Variants in ACO1 observed in about 807,000 individuals in gnomAD.
ACO1 encodes cytoplasmic aconitate hydratase.
A neutral mutation model predicts 105.1 loss-of-function variants in ACO1; 78 were observed. The ratio of observed to expected loss-of-function variants is 0.74; its 90% CI spans 0.62 to 0.90. ACO1 has a LOEUF of 0.90. ACO1 is among the 40% of genes least tolerant of loss of function. ACO1 has a pLI of 0.00. For synonymous variants in ACO1, 364 were observed against 397.4 expected (o/e 0.92, Z 1.00); for missense variants, 965 against 1,111.1 (o/e 0.87, Z 1.87).
At position 32,419,151 on chromosome 9, in the gene ACO1, A is replaced by C. The variant is rs1229084790; in HGVS notation, c.772A>C (p.Thr258Pro). The change falls in exon 7 of 21, where the codon ACT (threonine) becomes CCT (proline). Residue 258 changes from threonine to proline, a missense_variant. Thr to Pro is a conservative substitution (Grantham distance 38). Coordinates refer to ENST00000309951, the MANE Select transcript of ACO1 (RefSeq NM_002197.3). Reference sequence around the variant, plus strand: ...GAAGCCCCACCCTCTGGTAACATCCACTGACATCGTGCTCACCATTACCAA... The same window carrying C: ...GAAGCCCCACCCTCTGGTAACATCCCCTGACATCGTGCTCACCATTACCAA... ...MGKPHPLVTS[T>P]DIVLTITKHL... The C allele has an allele frequency of 1.9e-6, 3 of 1,602,192 alleles. No homozygotes were observed. Among genetic ancestry groups the C allele is most frequent in the African/African-American group, 2.7e-5 (2 of 74,334 alleles).
In ACO1 at chr9:32,439,034, G is replaced by A. The variant is rs1437935774; in HGVS notation, c.2248-1431G>A. Among the ~76,000 whole-genome samples the A allele has an allele frequency of 6.6e-6, 1 of 152,192 alleles. No homozygotes were observed. Among genetic ancestry groups the A allele is most frequent in the Non-Finnish European group, 1.5e-5 (1 of 68,028 alleles). On this transcript the variant is annotated intron_variant, in intron 18 of 20. Coordinates refer to ENST00000309951, the MANE Select transcript of ACO1 (RefSeq NM_002197.3). This position sits in a 1 kb window ranked among gnomAD's most constrained non-coding sequence, Gnocchi z 4.0. ...AGTGCAGGGAGCTGTTGCTTTCTAA[G>A]CTGTCAGTGGCTCTCAGCATGGCGT...
chr9:32,442,409 A>G (rs1822501339), intron 19 of ACO1, among the ~76,000 whole-genome samples: 1 of 152,212 alleles, frequency 6.6e-6, no homozygotes, highest in Non-Finnish European at 1.5e-5. Flanking sequence ...AGATACCAAG[A>G]GACCTCTTAG....
chr9:32,446,038 TCAGTGTTAGAAAAAGTG>T (rs1822598101), intron 19 of ACO1, among the ~76,000 whole-genome samples: 1 of 152,180 alleles, frequency 6.6e-6, no homozygotes, highest in African/African-American at 2.4e-5. Context: ...AATTATGTGG[TCAGTGTTAGAAAAAGTG>T]CAGTGTGGTG....
chr9:32,450,085 T>C lies in ACO1; in HGVS notation c.2644T>C (p.Tyr882His). The change falls in exon 21 of 21, where the codon TAC becomes CAC. Residue 882 changes from tyrosine to histidine, a missense_variant. Tyr to His is a moderately conservative substitution (Grantham distance 83). Coordinates refer to ENST00000309951, the MANE Select transcript of ACO1 (RefSeq NM_002197.3). ...TTTCCTCAACGGGGGCATCCTCAAC[T>C]ACATGATCCGCAAGATGGCCAAGTA... is the stretch of plus-strand genomic sequence containing the variant. ...TYFLNGGILNYMIRKMAK is the reference protein window; with the variant it reads ...TYFLNGGILNHMIRKMAK The C allele has an allele frequency of 6.2e-7, 1 of 1,613,842 alleles. No homozygotes were observed. Among genetic ancestry groups the C allele is most frequent in the East Asian group, 2.2e-5 (1 of 44,840 alleles).
intron 17 of ACO1, 120 bp from the exon 18 acceptor site, chr9:32,436,130 C>T (rs1554663018): frequency 7.4e-7 from 1 of 1,348,072 alleles, no homozygotes; most frequent in South Asian, 1.2e-5. Context: ...GCTTAGGAGA[C>T]TTAGAGAAAT....
intron 19 of ACO1, among the ~76,000 whole-genome samples, chr9:32,441,338 C>A (rs964992099): frequency 2.0e-5 from 3 of 152,154 alleles, no homozygotes; most frequent in Admixed American, 6.5e-5. Context: ...CCTGAATCTT[C>A]AGGGTGGGGT....
chr9:32,427,901 A>G (rs1822135774), intron 12 of ACO1, among the ~76,000 whole-genome samples: 1 of 151,936 alleles, frequency 6.6e-6, no homozygotes. Context: ...GTTCCAAAAT[A>G]TTTTCTTTAT....
At chr9:32,402,032 TTTTG>T (rs1298201131) in intron 1 of ACO1, among the ~76,000 whole-genome samples, 1 of 152,224 alleles carries the variant, frequency 6.6e-6, no homozygotes, top group African/African-American at 2.4e-5. Context: ...TTTTTATTCC[TTTTG>T]TTTAAGAACT....
intron 1 of ACO1, among the ~76,000 whole-genome samples, chr9:32,400,834 A>G (rs192509489): frequency 6.6e-6 from 1 of 152,306 alleles, no homozygotes; most frequent in Admixed American, 6.5e-5. Flanking sequence ...TCTCCCCTTT[A>G]TACAATGTGT....
rs1587538108 is a variant in ACO1 at position 32,423,227 on chromosome 9, C to T, written c.971-92C>T. On this transcript the variant is annotated intron_variant, in intron 8 of 20. Transcript: ENST00000309951. ...GTGTAAGTGCAGCGTATGTTGCGTA[C>T]TTACATAATTGCTAATGGAAGTATC... The T allele has an allele frequency of 2.2e-5, 15 of 684,960 alleles. 1 individual carries two copies. The highest frequency in any genetic ancestry group is 3.5e-4 in the Middle Eastern group (1 of 2,818). 42.4% of individuals were successfully genotyped at this position (684,960 alleles called of 1,614,324 possible).
At chr9:32,397,825 C>G (rs1220377637) in intron 1 of ACO1, among the ~76,000 whole-genome samples, 1 of 152,118 alleles carries the variant, frequency 6.6e-6, no homozygotes, top group East Asian at 1.9e-4. Flanking sequence ...CAGGAGAAAT[C>G]TTTTTCTCTT....
chr9:32,436,978 T>C (rs957636394), intron 18 of ACO1, among the ~76,000 whole-genome samples: 2 of 152,170 alleles, frequency 1.3e-5, no homozygotes, highest in African/African-American at 4.8e-5. Flanking sequence ...TAAAATGAAA[T>C]GGAATGAAAT....
At position 32,408,595 on chromosome 9, in the gene ACO1, T is replaced by C; in HGVS notation, c.348T>C (p.Pro116=). Residue 116 remains proline (P), a synonymous_variant, in exon 4 of 21, where the codon CCT becomes CCC. Transcript: ENST00000309951. ...GAGGAGATCCAGAGAAAATAAACCC[T>C]GTCTGCCCTGCTGATCTTGTAATAG... is the stretch of plus-strand genomic sequence containing the variant. ...KLGGDPEKIN[P]VCPADLVIDH... is the part of the protein sequence containing the mutation. 6.2e-7 allele frequency: 1 copy of C among 1,614,226 alleles called. No individual in the cohort carries two copies. The highest frequency in any genetic ancestry group is 8.5e-7 in the Non-Finnish European group (1 of 1,180,024).
In ACO1 at chr9:32,420,744, T is replaced by A. The variant is rs1821954673; in HGVS notation, c.799-112T>A. ...TGATCACAAATGTGTTGGGCTGATTTACTATTTGGGTTTACTGACAAGACT... is the reference window on the plus strand; with the variant it reads ...TGATCACAAATGTGTTGGGCTGATTAACTATTTGGGTTTACTGACAAGACT... On this transcript the variant is annotated intron_variant, in intron 7 of 20. Transcript: ENST00000309951. The A allele has an allele frequency of 1.0e-5, 11 of 1,103,658 alleles. 1 individual carries two copies. In the South Asian group the frequency reaches 1.6e-4, roughly 16 times the overall value. 68.4% of individuals were successfully genotyped at this position (1,103,658 alleles called of 1,614,324 possible).
intron 13 of ACO1, 74 bp from the exon 14 acceptor site, chr9:32,430,344 T>A: frequency 6.8e-7 from 1 of 1,465,540 alleles, no homozygotes; most frequent in Non-Finnish European, 9.2e-7. Context: ...ATGTGGAAAC[T>A]CTTGCCAATG....
At chr9:32,436,120 G>T in intron 17 of ACO1, 130 bp from the exon 18 acceptor site, 1 of 1,262,472 alleles carries the variant, frequency 7.9e-7, no homozygotes, top group Non-Finnish European at 1.1e-6. Context: ...GGAGAACAAT[G>T]CTTAGGAGAC....
In ACO1 at chr9:32,418,153, G is replaced by C; in HGVS notation, c.430G>C (p.Asp144His). The change falls in exon 5 of 21, where the codon GAC becomes CAC. Residue 144 changes from aspartate to histidine, a missense_variant. By Grantham distance (81) the Asp-to-His change is moderately conservative. Coordinates refer to ENST00000309951, the MANE Select transcript of ACO1 (RefSeq NM_002197.3). ...RRADSLQKNQ[D>H]LEFERNRERF... ...GGCAGACAGTTTACAGAAGAATCAA[G>C]ACCTGGAATTTGAAAGAAATAGAGA... 3 of 1,614,124 alleles carry C rather than the reference G, an allele frequency of 1.9e-6. No individual in the cohort carries two copies. Among genetic ancestry groups the C allele is most frequent in the Non-Finnish European group, 2.5e-6 (3 of 1,180,012 alleles).
intron 13 of ACO1, among the ~76,000 whole-genome samples, chr9:32,429,778 G>A (rs1012654588): frequency 2.6e-5 from 4 of 152,188 alleles, no homozygotes; most frequent in Admixed American, 2.6e-4. Flanking sequence ...AAGTCACTTA[G>A]TGCAGTGTCT....
At chr9:32,434,115 C>T (rs922903639) in intron 16 of ACO1, among the ~76,000 whole-genome samples, 2 of 152,146 alleles carry the variant, frequency 1.3e-5, no homozygotes, top group African/African-American at 4.8e-5. Context: ...AGGAGACCAT[C>T]CCCAGAGCCC....
Sources: allele counts gnomAD v4.1 joint callset (sites outside exome capture counted in the v4.1 genomes callset), GRCh38; gene constraint gnomAD v4.1.1; non-coding constraint Gnocchi (gnomAD v3.1); transcripts MANE v1.5; gene names NCBI Gene and HGNC (gene_info 2026-07-23, HGNC 2026-07-21).